Variants in GRM8 observed in about 807,000 individuals in gnomAD.
GRM8 encodes metabotropic glutamate receptor 8.
GRM8 carries 47 observed loss-of-function variants against 87.2 expected under a neutral mutation model. That is an observed-to-expected ratio of 0.54 (90% confidence interval 0.43 to 0.69). GRM8 has a LOEUF of 0.69. GRM8 is among the 30% of genes least tolerant of loss of function. The pLI is 0.00. For synonymous variants in GRM8, 396 were observed against 404.5 expected, an observed-to-expected ratio of 0.98 and a Z score of 0.25; for missense variants, 1,019 against 1,139.2, an observed-to-expected ratio of 0.89 and a Z score of 1.52.
At chr7:127,096,194 C>T (rs1024964063) in intron 3 of GRM8, among the ~76,000 whole-genome samples, 17 of 152,118 alleles carry the variant, frequency 1.1e-4, no homozygotes, top group Non-Finnish European at 2.1e-4. Context: ...GCTCATTGAG[C>T]AAATTGGATA....
At chr7:126,792,949 A>G (rs1463214819) in intron 6 of GRM8, among the ~76,000 whole-genome samples, 2 of 152,186 alleles carry the variant, frequency 1.3e-5, no homozygotes, top group Non-Finnish European at 2.9e-5. Context: ...TCTCTACTGA[A>G]GTCCACTGTA....
chr7:126,628,532 G>T (rs1665024472), intron 7 of GRM8, among the ~76,000 whole-genome samples: 1 of 152,164 alleles, frequency 6.6e-6, no homozygotes, highest in African/African-American at 2.4e-5. Flanking sequence ...GAACTACAGA[G>T]ATGGCCACAA....
At chr7:126,722,344 A>C (rs1345839778) in intron 7 of GRM8, among the ~76,000 whole-genome samples, 1 of 152,096 alleles carries the variant, frequency 6.6e-6, no homozygotes, top group African/African-American at 2.4e-5. Flanking sequence ...AGTATCACCA[A>C]GTGTCATACA....
At chr7:126,510,899 C>T (rs1377692793) in intron 9 of GRM8, among the ~76,000 whole-genome samples, 2 of 152,068 alleles carry the variant, frequency 1.3e-5, no homozygotes, top group African/African-American at 4.8e-5. Context: ...AGATAACTAG[C>T]TTGAGGGCTT....
chr7:126,649,846 T>G (rs1374864090), intron 7 of GRM8, among the ~76,000 whole-genome samples: 1 of 152,178 alleles, frequency 6.6e-6, no homozygotes, highest in Admixed American at 6.5e-5. Context: ...CTGTGCAAGC[T>G]GCTCTGCCAC....
chr7:126,578,297 A>G (rs1795290394), intron 8 of GRM8, among the ~76,000 whole-genome samples: 2 of 152,204 alleles, frequency 1.3e-5, no homozygotes, highest in Admixed American at 6.6e-5. Flanking sequence ...TCCTCTCTGG[A>G]TACAGCTGTT....
At chr7:127,116,991 G>T (rs1254246744) in intron 2 of GRM8, among the ~76,000 whole-genome samples, 1 of 152,132 alleles carries the variant, frequency 6.6e-6, no homozygotes, top group Non-Finnish European at 1.5e-5. Flanking sequence ...TAAGGGTAAG[G>T]CATGAATAAA....
At chr7:126,987,592 C>G (rs1812227147) in intron 3 of GRM8, among the ~76,000 whole-genome samples, 1 of 152,128 alleles carries the variant, frequency 6.6e-6, no homozygotes, top group South Asian at 2.1e-4. Flanking sequence ...TCCCGAGTAC[C>G]TGGGAGTATA....
chr7:126,763,099 G>A (rs1234216592), intron 7 of GRM8, among the ~76,000 whole-genome samples: 1 of 113,018 alleles, frequency 8.8e-6, no homozygotes, highest in Admixed American at 8.2e-5. Context: ...TTCATGTTTT[G>A]ACACAACACC....
At chr7:126,921,229 G>T (rs1419930631) in intron 3 of GRM8, among the ~76,000 whole-genome samples, 1 of 152,088 alleles carries the variant, frequency 6.6e-6, no homozygotes, top group Non-Finnish European at 1.5e-5. Context: ...AACATTCAGA[G>T]GGCAAGAAGA....
At chr7:126,497,836 G>C (rs542712735) in intron 9 of GRM8, among the ~76,000 whole-genome samples, 1 of 151,934 alleles carries the variant, frequency 6.6e-6, no homozygotes, top group African/African-American at 2.4e-5. Flanking sequence ...AAAACGGAGG[G>C]AGAAATGGGC....
At chr7:126,769,317 AG>A in intron 7 of GRM8, among the ~76,000 whole-genome samples, 1 of 152,222 alleles carries the variant, frequency 6.6e-6, no homozygotes, top group East Asian at 1.9e-4. Flanking sequence ...CTGCTTTTAC[AG>A]TATAAAAATC....
At chr7:127,167,873 T>C (rs1793548098) in intron 2 of GRM8, among the ~76,000 whole-genome samples, 1 of 151,928 alleles carries the variant, frequency 6.6e-6, no homozygotes, top group Non-Finnish European at 1.5e-5. Flanking sequence ...AATCAAAACC[T>C]AGACTTCATG....
chr7:126,676,047 A>G (rs1242496962), intron 7 of GRM8, among the ~76,000 whole-genome samples: 2 of 152,218 alleles, frequency 1.3e-5, no homozygotes, highest in Non-Finnish European at 2.9e-5. Flanking sequence ...GTCTCAGGTT[A>G]TAAAACCAAT....
chr7:127,240,015 C>T lies in GRM8; in HGVS notation c.510+2680G>A, dbSNP rs78954706. 2.9e-3 allele frequency among the ~76,000 whole-genome samples: 444 copies of T among 152,268 alleles called. 1 individual carries two copies. The highest frequency in any genetic ancestry group is 9.9e-3 in the African/African-American group (410 of 41,552). The stretch of plus-strand genomic sequence containing the variant: ...CTACCATAACAGCACCCCCTCCTGG[C>T]GATAAGTGACCCACCCACTCCCTGC... On this transcript the variant is annotated intron_variant, in intron 2 of 10. Transcript: ENST00000339582.
chr7:126,830,406 T>C (rs1167485452), intron 6 of GRM8, among the ~76,000 whole-genome samples: 1 of 152,190 alleles, frequency 6.6e-6, no homozygotes, highest in Non-Finnish European at 1.5e-5. Context: ...TCATTTCTTT[T>C]TATTATTTTT....
chr7:126,558,272 G>A (rs543671768), intron 8 of GRM8, among the ~76,000 whole-genome samples: 1 of 152,238 alleles, frequency 6.6e-6, no homozygotes, highest in African/African-American at 2.4e-5. Flanking sequence ...TTCTTTTTAT[G>A]TATTTCTTTA....
intron 8 of GRM8, among the ~76,000 whole-genome samples, chr7:126,585,812 T>C (rs36198401): frequency 0.2 from 29,703 of 152,010 alleles, 3,429 homozygotes; most frequent in East Asian, 0.31. Flanking sequence ...TTCAACATAG[T>C]GTTGGAAGTT....
At chr7:127,019,952 C>T (rs1816094533) in intron 3 of GRM8, among the ~76,000 whole-genome samples, 1 of 152,060 alleles carries the variant, frequency 6.6e-6, no homozygotes, top group African/African-American at 2.4e-5. Context: ...TTTCTCTACA[C>T]TGAACTACAT....
Sources: gnomAD v4.1 joint callset for allele counts (sites outside exome capture counted in the v4.1 genomes callset) on GRCh38, gnomAD v4.1.1 for gene constraint, MANE v1.5 for transcripts, NCBI Gene and HGNC (gene_info 2026-07-23, HGNC 2026-07-21) for gene names.